NUDT5: variants seen among roughly 807,000 people sequenced by gnomAD.
NUDT5 encodes nudix hydrolase 5.
Under a neutral mutation model 34.1 loss-of-function variants are expected in NUDT5, and 21 were observed. The ratio of observed to expected loss-of-function variants is 0.62; its 90% CI spans 0.44 to 0.89. The LOEUF is 0.89. Among genes scored for constraint, NUDT5 ranks in the 40% least tolerant of loss-of-function variants. The probability of loss-of-function intolerance (pLI) is 0.00; values close to 1 mark genes in which losing one functional copy is unlikely to be tolerated. For synonymous variants in NUDT5, 85 were observed against 97.6 expected, an observed-to-expected ratio of 0.87 and a Z score of 0.76; for missense variants, 249 against 274.8, an observed-to-expected ratio of 0.91 and a Z score of 0.66.
intron 1 of NUDT5, among the ~76,000 whole-genome samples, chr10:12,195,194 T>C (rs1835312628): frequency 6.6e-6 from 1 of 152,164 alleles, no homozygotes; most frequent in African/African-American, 2.4e-5. Flanking sequence ...TACTTCTCAT[T>C]CTTTTAACGA....
rs1001109511 is a variant in NUDT5, at chr10:12,182,014, C to T, written c.131+2875G>A. On this transcript the variant is annotated intron_variant, in intron 3 of 9. Transcript: ENST00000491614. The surrounding 1 kb of genome is among the most constrained non-coding windows in gnomAD (Gnocchi z 4.3). ...AGGCCCAGTGGCATGCACCTCTAGT[C>T]CCAGCTACTCGAGTGGCTGAGATAG... Among the ~76,000 whole-genome samples the T allele has an allele frequency of 7.9e-5, 12 of 151,956 alleles. No homozygotes were observed. The highest frequency in any genetic ancestry group is 6.6e-4 in the Admixed American group (10 of 15,258).
chr10:12,174,535 C>T (rs1834918729), intron 5 of NUDT5, among the ~76,000 whole-genome samples: 3 of 152,130 alleles, frequency 2.0e-5, no homozygotes, highest in Non-Finnish European at 4.4e-5. Context: ...CCTCAGCCTC[C>T]CAAAGTGCTG....
At chr10:12,188,928 T>A (rs928013694) in intron 1 of NUDT5, among the ~76,000 whole-genome samples, 1 of 151,986 alleles carries the variant, frequency 6.6e-6, no homozygotes, top group Non-Finnish European at 1.5e-5. Context: ...CTACACGGAG[T>A]GATCAGGCAA....
At position 12,189,947 on chromosome 10, in the gene NUDT5, G is replaced by A. The variant is rs1033447996; in HGVS notation, c.-41-3615C>T. Among the ~76,000 whole-genome samples the A allele has an allele frequency of 8.7e-5, 13 of 149,848 alleles. No homozygotes were observed. In the South Asian group the frequency reaches 1.7e-3, roughly 19 times the overall value. ...CTTGCCTTGTCGCCCAGGCTGGAGTGCAGTGGCGCGATCTCCGCTCACTGC... is the reference window on the plus strand; with the variant it reads ...CTTGCCTTGTCGCCCAGGCTGGAGTACAGTGGCGCGATCTCCGCTCACTGC... On this transcript the variant is annotated intron_variant, in intron 1 of 9. Coordinates refer to ENST00000491614, the MANE Select transcript of NUDT5 (RefSeq NM_014142.4).
intron 1 of NUDT5, among the ~76,000 whole-genome samples, chr10:12,189,894 ATT>A (rs34725302): frequency 0.013 from 1,683 of 130,866 alleles, 16 homozygotes; most frequent in Middle Eastern, 0.043. Context: ...GTGTTCTACA[ATT>A]TTTTTTTTTT....
rs74455383 is a variant in NUDT5, at chr10:12,169,387, C to T, written c.550+1330G>A. ...CGTCACCCTGCTTTCCACGCACCTC[C>T]TCAGAGGGAGGGGCTGTTATTGTTC... On this transcript the variant is annotated intron_variant, in intron 9 of 9. Transcript: ENST00000491614. The surrounding 1 kb of genome is among the most constrained non-coding windows in gnomAD (Gnocchi z 4.8). The T allele has an allele frequency of 1.6e-3, 1,888 of 1,156,398 alleles. 19 individuals are homozygous for T. In the African/African-American group the frequency reaches 0.027, roughly 16 times the overall value. The allele number at this position is 1,156,398 out of a possible 1,614,324, so 71.6% of individuals were successfully genotyped here. A position where few individuals can be genotyped will look rare whatever the true frequency, so the allele number is the denominator to read the frequency against.
At chr10:12,183,697 C>G (rs887580849) in intron 3 of NUDT5, among the ~76,000 whole-genome samples, 2 of 152,116 alleles carry the variant, frequency 1.3e-5, no homozygotes, top group African/African-American at 4.8e-5. Context: ...GATTGCTATG[C>G]AAAAATCTGG....
Position 12,168,223 on chromosome 10 carries a change from G to A in NUDT5, c.551-412C>T, listed in dbSNP as rs1834756645. 6.6e-6 allele frequency among the ~76,000 whole-genome samples: 1 copy of A among 152,008 alleles called. No individual in the cohort carries two copies. Among genetic ancestry groups the A allele is most frequent in the African/African-American group, 2.4e-5 (1 of 41,382 alleles). ...TATTTTTAGTAGAGACGGGGTTTTTGCCATGTTGGCCAGGATGGTTTCGAT... is the reference window on the plus strand; with the variant it reads ...TATTTTTAGTAGAGACGGGGTTTTTACCATGTTGGCCAGGATGGTTTCGAT... On this transcript the variant is annotated intron_variant, in intron 9 of 9. Coordinates refer to ENST00000491614, the MANE Select transcript of NUDT5 (RefSeq NM_014142.4). The surrounding 1 kb of genome is among the most constrained non-coding windows in gnomAD (Gnocchi z 4.8).
At chr10:12,179,971 A>C (rs1289624788) in intron 3 of NUDT5, among the ~76,000 whole-genome samples, 2 of 152,208 alleles carry the variant, frequency 1.3e-5, no homozygotes, top group African/African-American at 2.4e-5. Context: ...AGAGTGGAGA[A>C]GCAAACAATT....
intron 1 of NUDT5, among the ~76,000 whole-genome samples, chr10:12,191,659 G>A (rs1318245195): frequency 6.6e-6 from 1 of 152,166 alleles, no homozygotes; most frequent in East Asian, 1.9e-4. Context: ...GGCTGAGGTG[G>A]GAGGATCGCT....
chr10:12,194,993 T>C (rs190046290), intron 1 of NUDT5, among the ~76,000 whole-genome samples: 2 of 151,950 alleles, frequency 1.3e-5, no homozygotes, highest in African/African-American at 4.8e-5. Context: ...TGAAACGCCG[T>C]CTCTACTAAA....
chr10:12,167,657 G>C lies in NUDT5; in HGVS notation c.*45C>G, dbSNP rs200505437. On this transcript the variant is annotated 3_prime_UTR_variant, in exon 10 of 10. Coordinates refer to ENST00000491614, the MANE Select transcript of NUDT5 (RefSeq NM_014142.4). Reference sequence around the variant, plus strand: ...TGAATACAAAGTCTTAGTGAAGAAGGCCTGGTGGTCTCGTTTACAAAAATG... The same window carrying C: ...TGAATACAAAGTCTTAGTGAAGAAGCCCTGGTGGTCTCGTTTACAAAAATG... 1 of 1,562,612 alleles carries C rather than the reference G, an allele frequency of 6.4e-7. No homozygotes were observed. Among genetic ancestry groups the C allele is most frequent in the Non-Finnish European group, 8.8e-7 (1 of 1,135,264 alleles).
intron 7 of NUDT5, chr10:12,172,354 G>A (rs1446255777): frequency 5.2e-6 from 1 of 193,748 alleles, no homozygotes; most frequent in Non-Finnish European, 1.1e-5. Context: ...TCCAACTCCT[G>A]GGCTTAAGTG....
At chr10:12,172,514 C>G in intron 7 of NUDT5, 1 of 541,388 alleles carries the variant, frequency 1.8e-6, no homozygotes. Flanking sequence ...TGGGAATACA[C>G]TTCATATAGA....
At position 12,170,058 on chromosome 10, in the gene NUDT5, C is replaced by CGTCTCCACACAGTATCTCCTCAT; in HGVS notation, c.550+636_550+658dup. On this transcript the variant is annotated intron_variant, in intron 9 of 9. Transcript: ENST00000491614. This position sits in a 1 kb window ranked among gnomAD's most constrained non-coding sequence, Gnocchi z 4.9. ...GGTATGTCTCCATACAGTATCTCCT[C>CGTCTCCACACAGTATCTCCTCAT]GTCTCCACACAGTATCTCCTCATGT... The CGTCTCCACACAGTATCTCCTCAT allele has an allele frequency of 6.4e-7, 1 of 1,566,234 alleles. No individual in the cohort carries two copies. Among genetic ancestry groups the CGTCTCCACACAGTATCTCCTCAT allele is most frequent in the South Asian group, 1.1e-5 (1 of 89,860 alleles).
chr10:12,177,405 G>A lies in NUDT5; in HGVS notation c.289+388C>T, dbSNP rs564159348. On this transcript the variant is annotated intron_variant, in intron 5 of 9. Coordinates refer to ENST00000491614, the MANE Select transcript of NUDT5 (RefSeq NM_014142.4). ...GTGGTGGCGGGCGCCTGTAGTCCCA[G>A]CCACTCGGGAGGCTGAAGCAGGAGA... 1.6e-3 allele frequency among the ~76,000 whole-genome samples: 248 copies of A among 151,948 alleles called. 2 individuals carry two copies. The highest frequency in any genetic ancestry group is 5.6e-3 in the African/African-American group (231 of 41,442).
intron 1 of NUDT5, among the ~76,000 whole-genome samples, chr10:12,188,329 C>G (rs1835161420): frequency 6.6e-6 from 1 of 152,248 alleles, no homozygotes; most frequent in South Asian, 2.1e-4. Flanking sequence ...ACAAAACCAA[C>G]TGTATGAATA....
At position 12,165,842 on chromosome 10, in the gene NUDT5, C is replaced by T. The variant is rs1474919599; in HGVS notation, c.*1860G>A. On this transcript the variant is annotated 3_prime_UTR_variant, in exon 10 of 10. Transcript: ENST00000491614. ...GGCAGGCAGGATAGTGACAGTGGCT[C>T]GGTGAGCATCCGCCAAGGGCCTCAG... is the stretch of plus-strand genomic sequence containing the variant. 2.0e-5 allele frequency: 3 copies of T among 152,136 alleles called. No individual in the cohort carries two copies. The highest frequency in any genetic ancestry group is 2.4e-5 in the African/African-American group (1 of 41,440). The allele number at this position is 152,136 out of a possible 1,614,324, so 9.4% of individuals were successfully genotyped here.
intron 3 of NUDT5, among the ~76,000 whole-genome samples, chr10:12,180,233 T>C (rs1447485243): frequency 6.6e-6 from 1 of 152,224 alleles, no homozygotes; most frequent in African/African-American, 2.4e-5. Flanking sequence ...TCTTTCAGCA[T>C]TGTACCCAAA....
Sources: gnomAD v4.1 joint callset for allele counts (sites outside exome capture counted in the v4.1 genomes callset) on GRCh38, gnomAD v4.1.1 for gene constraint, Gnocchi (gnomAD v3.1) non-coding constraint, MANE v1.5 for transcripts, NCBI Gene and HGNC (gene_info 2026-07-23, HGNC 2026-07-21) for gene names.